Variants in MGLL observed in about 807,000 individuals in gnomAD.
MGLL encodes the protein monoglyceride lipase, also known as lysophospholipase homolog.
Under a neutral mutation model 29.1 loss-of-function variants are expected in MGLL, and 7 were observed. The observed-to-expected ratio is 0.24, with a 90% CI of 0.14 to 0.45. MGLL has a LOEUF of 0.45. Ranked by LOEUF, MGLL falls within the 20% of genes least tolerant of loss-of-function variation. The pLI is 0.99. For missense variants in MGLL, 356 were observed against 413.6 expected, an observed-to-expected ratio of 0.86 and a Z score of 1.21; for synonymous variants, 148 against 168.3, an observed-to-expected ratio of 0.88 and a Z score of 0.93.
chr3:127,774,049 C>A (rs1382458349), intron 3 of MGLL, among the ~76,000 whole-genome samples: 4 of 152,248 alleles, frequency 2.6e-5, no homozygotes, highest in African/African-American at 9.6e-5. Context: ...CTCCCCTGCT[C>A]ACAGCCCTCC....
intron 3 of MGLL, among the ~76,000 whole-genome samples, chr3:127,758,537 A>T (rs1190651475): frequency 6.6e-6 from 1 of 152,258 alleles, no homozygotes; most frequent in African/African-American, 2.4e-5. Context: ...ACAGAAGCCC[A>T]GGTCAGCTTG....
Position 127,725,097 on chromosome 3 carries a change from GA to G in MGLL, c.263-2532del, listed in dbSNP as rs375669200. Among the ~76,000 whole-genome samples, 676 of 151,942 alleles carry G rather than the reference GA, an allele frequency of 4.4e-3. 5 individuals are homozygous for G. Among genetic ancestry groups the G allele is most frequent in the African/African-American group, 0.015 (641 of 41,424 alleles). On this transcript the variant is annotated intron_variant, in intron 3 of 7. Transcript: ENST00000265052. ...CACCTACATTCTCTCTCCAGCCCTG[GA>G]GGCTCCGTGCGACCCTCAGCTGAGT...
chr3:127,822,415 A>G lies in MGLL; in HGVS notation c.-97T>C. The G allele has an allele frequency of 7.5e-7, 1 of 1,337,584 alleles. No homozygotes were observed. Among genetic ancestry groups the G allele is most frequent in the South Asian group, 1.2e-5 (1 of 84,144 alleles). The allele number at this position is 1,337,584 out of a possible 1,614,324, so 82.9% of individuals were successfully genotyped here. On this transcript the variant is annotated 5_prime_UTR_variant, in exon 1 of 8. Coordinates refer to ENST00000265052, the MANE Select transcript of MGLL (RefSeq NM_007283.7). ...CTCATCTGGGCGGCCCCAAGGCAGCAGGAAGGCAGCTCCGAGCCCTCTTCC... is the reference window on the plus strand; with the variant it reads ...CTCATCTGGGCGGCCCCAAGGCAGCGGGAAGGCAGCTCCGAGCCCTCTTCC...
chr3:127,739,991 G>A (rs1168439678), intron 3 of MGLL, among the ~76,000 whole-genome samples: 1 of 152,204 alleles, frequency 6.6e-6, no homozygotes, highest in African/African-American at 2.4e-5. Context: ...TGCCTGTGTG[G>A]GAGCCCGCTC....
intron 2 of MGLL, among the ~76,000 whole-genome samples, chr3:127,817,619 A>G (rs540755120): frequency 9.2e-5 from 14 of 152,364 alleles, no homozygotes; most frequent in African/African-American, 2.4e-4. Context: ...GTACAATCAT[A>G]TAATTACAGC....
rs553921681 is a variant in MGLL at position 127,787,971 on chromosome 3, G to A, written c.156-6076C>T. Among the ~76,000 whole-genome samples, 46 of 152,320 alleles carry A rather than the reference G, an allele frequency of 3.0e-4. 1 individual carries two copies. The South Asian group carries it at 8.9e-3, about 30-fold the overall frequency. ...CTTGTCCTTCCTCTTGGAGTTCCAG[G>A]GGGCTTTGGTTCCTCTCTGTCTCTG... On this transcript the variant is annotated intron_variant, in intron 2 of 7. Transcript: ENST00000265052.
chr3:127,779,639 C>T lies in MGLL; in HGVS notation c.262+2150G>A, dbSNP rs895449879. On this transcript the variant is annotated intron_variant, in intron 3 of 7. Transcript: ENST00000265052. ...AATAAGAGGATTTGCTGTTAAAATG[C>T]TGAACAGCGAAATACTATAATGCAT... Among the ~76,000 whole-genome samples the T allele has an allele frequency of 4.6e-5, 7 of 152,120 alleles. No homozygotes were observed. In the South Asian group the frequency reaches 1.0e-3, roughly 23 times the overall value.
intron 3 of MGLL, among the ~76,000 whole-genome samples, chr3:127,728,316 T>C (rs544399046): frequency 2.0e-5 from 3 of 152,156 alleles, no homozygotes; most frequent in African/African-American, 7.2e-5. Flanking sequence ...TATCCATCCA[T>C]CCATCCATCC....
In MGLL at chr3:127,802,245, G is replaced by A. The variant is rs544529255; in HGVS notation, c.155+19449C>T. Among the ~76,000 whole-genome samples the A allele has an allele frequency of 3.9e-5, 6 of 152,280 alleles. No individual in the cohort carries two copies. In the East Asian group the frequency reaches 1.2e-3, roughly 29 times the overall value. Reference sequence around the variant, plus strand: ...GGAGTGTAAGAGATACTAGGTTCAAGAGTTTGGTCTTGAACTTCACTTACT... The same window carrying A: ...GGAGTGTAAGAGATACTAGGTTCAAAAGTTTGGTCTTGAACTTCACTTACT... On this transcript the variant is annotated intron_variant, in intron 2 of 7. Coordinates refer to ENST00000265052, the MANE Select transcript of MGLL (RefSeq NM_007283.7).
intron 3 of MGLL, among the ~76,000 whole-genome samples, chr3:127,751,491 A>G (rs968905553): frequency 6.6e-5 from 10 of 151,788 alleles, no homozygotes; most frequent in Non-Finnish European, 1.3e-4. Context: ...CCTCTCTTGC[A>G]TCTGTCACCC....
At chr3:127,762,352 C>T (rs2076780432) in intron 3 of MGLL, among the ~76,000 whole-genome samples, 1 of 152,104 alleles carries the variant, frequency 6.6e-6, no homozygotes, top group Non-Finnish European at 1.5e-5. Context: ...GTTTGAGCTC[C>T]CACTTCAGAA....
chr3:127,743,564 A>C (rs1576536181), intron 3 of MGLL, among the ~76,000 whole-genome samples: 1 of 128,994 alleles, frequency 7.8e-6, no homozygotes, highest in Non-Finnish European at 1.6e-5. Context: ...GACACATTCC[A>C]CTAATGCTAA....
upstream of MGLL, chr3:127,822,574 A>T (rs920872001): frequency 7.1e-5 from 38 of 536,024 alleles, no homozygotes; most frequent in Middle Eastern, 4.7e-4. Context: ...CTACTAGTTC[A>T]TGTCATCACT....
At chr3:127,815,082 AG>A (rs1054246879) in intron 2 of MGLL, among the ~76,000 whole-genome samples, 1 of 152,072 alleles carries the variant, frequency 6.6e-6, no homozygotes, top group African/African-American at 2.4e-5. Context: ...TTGTGGGGAG[AG>A]GGTGTAAGCT....
chr3:127,821,800 G>T lies in MGLL; in HGVS notation c.49C>A (p.Pro17Thr). The change falls in exon 2 of 8, where the codon CCC becomes ACC. Residue 17 changes from proline (P) to threonine (T), a missense_variant. Coordinates refer to ENST00000265052, the MANE Select transcript of MGLL (RefSeq NM_007283.7). ...DPSSMPEESS[P>T]RRTPQSIPYQ... ...GGAATGCTCTGCGGGGTCCGCCTGGGGGAACTTTCCTCTGGCATGCTGGAA... is the reference window on the plus strand; with the variant it reads ...GGAATGCTCTGCGGGGTCCGCCTGGTGGAACTTTCCTCTGGCATGCTGGAA... 1 of 1,614,136 alleles carries T rather than the reference G, an allele frequency of 6.2e-7. No homozygotes were observed. Among genetic ancestry groups the T allele is most frequent in the Non-Finnish European group, 8.5e-7 (1 of 1,180,004 alleles).
chr3:127,759,033 C>A, intron 3 of MGLL, among the ~76,000 whole-genome samples: 1 of 150,562 alleles, frequency 6.6e-6, no homozygotes, highest in Admixed American at 6.7e-5. Flanking sequence ...AGTGATTCTC[C>A]TGCCTCAGCG....
rs1287506199 is a variant in MGLL at position 127,735,726 on chromosome 3, G to A, written c.263-13160C>T. Reference sequence around the variant, plus strand: ...ATACCTGGCAAAAGGTGGGTTTCCAGCACGTGCTCGCTCCCCGCCTTCTCC... The same window carrying A: ...ATACCTGGCAAAAGGTGGGTTTCCAACACGTGCTCGCTCCCCGCCTTCTCC... On this transcript the variant is annotated intron_variant, in intron 3 of 7. Transcript: ENST00000265052. 1.9e-6 allele frequency: 3 copies of A among 1,598,052 alleles called. No homozygotes were observed. The South Asian group carries it at 3.3e-5, about 18-fold the overall frequency.
At chr3:127,819,908 G>C (rs577256810) in intron 2 of MGLL, among the ~76,000 whole-genome samples, 1 of 152,098 alleles carries the variant, frequency 6.6e-6, no homozygotes, top group East Asian at 1.9e-4. Context: ...TCATGGCAAG[G>C]GGCCTCCAGG....
chr3:127,710,546 C>T lies in MGLL; in HGVS notation c.600+30G>A, dbSNP rs533489491. 9 of 1,516,378 alleles carry T rather than the reference C, an allele frequency of 5.9e-6. No homozygotes were observed. In the African/African-American group the frequency reaches 9.7e-5, roughly 16 times the overall value. 93.9% of individuals were successfully genotyped at this position (1,516,378 alleles called of 1,614,324 possible). On this transcript the variant is annotated intron_variant, in intron 6 of 7. Coordinates refer to ENST00000265052, the MANE Select transcript of MGLL (RefSeq NM_007283.7). Reference sequence around the variant, plus strand: ...TTCCCCATGGGGGCAGCCACCCAAGCTACCCCTGGGGTTTCGGAAAGCCTC... The same window carrying T: ...TTCCCCATGGGGGCAGCCACCCAAGTTACCCCTGGGGTTTCGGAAAGCCTC...
Sources: allele counts gnomAD v4.1 joint callset (sites outside exome capture counted in the v4.1 genomes callset), GRCh38; gene constraint gnomAD v4.1.1; transcripts MANE v1.5; gene names NCBI Gene and HGNC (gene_info 2026-07-23, HGNC 2026-07-21).